The following LRFN5 variants were observed in gnomAD, a reference collection of about 807,000 sequenced individuals.
LRFN5 encodes leucine-rich repeat and fibronectin type-III domain-containing protein 5.
A neutral mutation model predicts 45.6 loss-of-function variants in LRFN5; 24 were observed. That is an observed-to-expected ratio of 0.53 (90% confidence interval 0.38 to 0.74). LRFN5 has a LOEUF of 0.74. LRFN5 is among the 30% of genes least tolerant of loss of function. LRFN5 has a pLI of 0.00. For synonymous variants in LRFN5, 340 were observed against 313.8 expected (o/e 1.08, Z -0.88); for missense variants, 776 against 861.5 (o/e 0.90, Z 1.24).
chr14:41,609,746 G>A (rs1337668748), intron 1 of LRFN5, among the ~76,000 whole-genome samples: 1 of 152,200 alleles, frequency 6.6e-6, no homozygotes, highest in East Asian at 1.9e-4. Flanking sequence ...ATTCAGCGGA[G>A]GATTTGGCCC....
intron 2 of LRFN5, among the ~76,000 whole-genome samples, chr14:41,808,235 G>GAAGGAAGGAAGGAAGT (rs1887592690): frequency 9.1e-6 from 1 of 109,834 alleles, no homozygotes; most frequent in Non-Finnish European, 2.0e-5. Flanking sequence ...AGGAAGGAAG[G>GAAGGAAGGAAGGAAGT]AATTGAGGGA....
intron 1 of LRFN5, among the ~76,000 whole-genome samples, chr14:41,660,585 G>A (rs1880602932): frequency 6.6e-6 from 1 of 151,980 alleles, no homozygotes; most frequent in Admixed American, 6.6e-5. Flanking sequence ...GTAGACATTG[G>A]AAACAGTTTG....
At chr14:41,901,829 T>G (rs76608226) in intron 5 of LRFN5, among the ~76,000 whole-genome samples, 2 of 152,018 alleles carry the variant, frequency 1.3e-5, no homozygotes, top group East Asian at 3.9e-4. Context: ...TATTTGCTTC[T>G]GCAGGAGGAG....
chr14:41,886,511 T>C lies in LRFN5; in HGVS notation c.-20-95T>C, dbSNP rs1245511375. ...AAGCAAACAAGTGAAATTATTTCTC[T>C]ATTCTAGATTGCATACAAATATTAT... On this transcript the variant is annotated intron_variant, in intron 2 of 5. Coordinates refer to ENST00000298119, the MANE Select transcript of LRFN5 (RefSeq NM_152447.5). 7.4e-6 allele frequency: 6 copies of C among 815,288 alleles called. No homozygotes were observed. The Admixed American group carries it at 1.0e-4, about 14-fold the overall frequency. 50.5% of individuals were successfully genotyped at this position (815,288 alleles called of 1,614,324 possible).
intron 1 of LRFN5, among the ~76,000 whole-genome samples, chr14:41,699,162 A>G (rs141033532): frequency 6.2e-4 from 95 of 152,196 alleles, no homozygotes; most frequent in African/African-American, 2.1e-3. Flanking sequence ...GTACAGAGGA[A>G]TCGCCTGGAG....
intron 2 of LRFN5, among the ~76,000 whole-genome samples, chr14:41,800,891 G>T (rs1369199867): frequency 4.6e-5 from 7 of 151,842 alleles, no homozygotes; most frequent in Admixed American, 4.6e-4. Context: ...AGAGAGCAGG[G>T]CCATCAAGAA....
intron 1 of LRFN5, among the ~76,000 whole-genome samples, chr14:41,703,740 G>A (rs1389263848): frequency 6.6e-6 from 1 of 152,000 alleles, no homozygotes; most frequent in Non-Finnish European, 1.5e-5. Context: ...TTGAAAATCA[G>A]CACATTTGCC....
At chr14:41,803,687 T>C (rs2138974061) in intron 2 of LRFN5, among the ~76,000 whole-genome samples, 1 of 152,246 alleles carries the variant, frequency 6.6e-6, no homozygotes, top group South Asian at 2.1e-4. Flanking sequence ...AGAACATTTT[T>C]GTCATTATAT....
At chr14:41,889,553 A>G (rs998023458) in intron 3 of LRFN5, among the ~76,000 whole-genome samples, 3 of 152,164 alleles carry the variant, frequency 2.0e-5, no homozygotes, top group Admixed American at 2.0e-4. Context: ...TTTAAACATT[A>G]GCTCTGTGAA....
At chr14:41,695,105 AC>A (rs1165815413) in intron 1 of LRFN5, among the ~76,000 whole-genome samples, 1 of 151,968 alleles carries the variant, frequency 6.6e-6, no homozygotes, top group African/African-American at 2.4e-5. Context: ...ATATGGAGAA[AC>A]TTTTAGCAGT....
intron 1 of LRFN5, among the ~76,000 whole-genome samples, chr14:41,759,448 TACACACACACACACACACAC>T (rs569216156): frequency 8.6e-4 from 94 of 109,744 alleles, no homozygotes; most frequent in African/African-American, 1.9e-3. Context: ...TCTCTCTCTC[TACACACACACACACACACAC>T]ACACACACAC....
intron 1 of LRFN5, among the ~76,000 whole-genome samples, chr14:41,681,523 A>C (rs1881880158): frequency 6.6e-6 from 1 of 152,150 alleles, no homozygotes; most frequent in African/African-American, 2.4e-5. Context: ...ATTTTATCCT[A>C]TAATAGTATA....
At chr14:41,656,890 C>T (rs905119698) in intron 1 of LRFN5, among the ~76,000 whole-genome samples, 1 of 151,812 alleles carries the variant, frequency 6.6e-6, no homozygotes, top group African/African-American at 2.4e-5. Context: ...GATAGGAATA[C>T]GTAGCATTAT....
chr14:41,854,352 A>T (rs1042337931), intron 2 of LRFN5, among the ~76,000 whole-genome samples: 3 of 149,826 alleles, frequency 2.0e-5, no homozygotes, highest in African/African-American at 7.3e-5. Context: ...CACTTAATCC[A>T]GGGGCCTGTC....
At position 41,826,674 on chromosome 14, in the gene LRFN5, T is replaced by C. The variant is rs74045457; in HGVS notation, c.-21+59645T>C. Among the ~76,000 whole-genome samples, 183 of 152,266 alleles carry C rather than the reference T, an allele frequency of 1.2e-3. 1 individual carries two copies. Among genetic ancestry groups the C allele is most frequent in the African/African-American group, 4.3e-3 (177 of 41,568 alleles). ...ATAAATCATAAAGCAGTGTGGATTA[T>C]TGACTAGAAGCATGAAACCAGAGGC... On this transcript the variant is annotated intron_variant, in intron 2 of 5. Coordinates refer to ENST00000298119, the MANE Select transcript of LRFN5 (RefSeq NM_152447.5).
At chr14:41,645,708 A>G (rs1268178297) in intron 1 of LRFN5, among the ~76,000 whole-genome samples, 4 of 152,116 alleles carry the variant, frequency 2.6e-5, no homozygotes, top group East Asian at 3.9e-4. Context: ...CTTTCTTACT[A>G]TTCTCCTCTG....
chr14:41,873,030 G>A (rs2139121958), intron 2 of LRFN5, among the ~76,000 whole-genome samples: 1 of 152,284 alleles, frequency 6.6e-6, no homozygotes, highest in Non-Finnish European at 1.5e-5. Context: ...CTGAGTTGAT[G>A]TAGCATTGTT....
At chr14:41,704,434 C>CTGTGTGTGTGTG (rs1255294858) in intron 1 of LRFN5, among the ~76,000 whole-genome samples, 3,527 of 42,846 alleles carry the variant, frequency 0.082, 345 homozygotes, top group East Asian at 0.48. Context: ...CTCTCTCTCT[C>CTGTGTGTGTGTG]TCTCTCTCTC....
intron 1 of LRFN5, among the ~76,000 whole-genome samples, chr14:41,764,688 A>G (rs1195533747): frequency 6.6e-6 from 1 of 152,112 alleles, no homozygotes; most frequent in Non-Finnish European, 1.5e-5. Flanking sequence ...CATCTTTACT[A>G]CAAAGAAAGA....
Sources: gnomAD v4.1 joint callset for allele counts (sites outside exome capture counted in the v4.1 genomes callset) on GRCh38, gnomAD v4.1.1 for gene constraint, MANE v1.5 for transcripts, NCBI Gene and HGNC (gene_info 2026-07-23, HGNC 2026-07-21) for gene names.